MAGI1: variants seen among roughly 807,000 people sequenced by gnomAD.
MAGI1 encodes the protein membrane-associated guanylate kinase, WW and PDZ domain-containing protein 1.
Under a neutral mutation model 139.9 loss-of-function variants are expected in MAGI1, and 58 were observed. The observed-to-expected ratio is 0.41, with a 90% confidence interval of 0.34 to 0.52. The LOEUF is 0.52. Ranked by LOEUF, MAGI1 falls within the 20% of genes least tolerant of loss-of-function variation. MAGI1 has a pLI of 0.12. For synonymous variants in MAGI1, 812 were observed against 737.9 expected (o/e 1.10, Z -1.63); for missense variants, 1,874 against 1,901.6 (o/e 0.99, Z 0.27).
intron 1 of MAGI1, among the ~76,000 whole-genome samples, chr3:65,711,564 A>G (rs2031423923): frequency 6.6e-6 from 1 of 152,220 alleles, no homozygotes; most frequent in Non-Finnish European, 1.5e-5. Flanking sequence ...CCTAATCCTC[A>G]GTACCTCAGA....
intron 1 of MAGI1, among the ~76,000 whole-genome samples, chr3:65,879,228 C>T (rs993477185): frequency 1.3e-5 from 2 of 151,896 alleles, no homozygotes; most frequent in African/African-American, 4.8e-5. Flanking sequence ...AAGGTGGAAG[C>T]GGAGAGCAAA....
chr3:65,830,616 A>G (rs1218083055), intron 1 of MAGI1, among the ~76,000 whole-genome samples: 1 of 152,202 alleles, frequency 6.6e-6, no homozygotes, highest in East Asian at 1.9e-4. Flanking sequence ...CTTAAACAAG[A>G]CTGACTTATA....
intron 1 of MAGI1, among the ~76,000 whole-genome samples, chr3:65,664,207 T>C (rs2086371071): frequency 1.3e-5 from 2 of 152,230 alleles, no homozygotes; most frequent in South Asian, 2.1e-4. Flanking sequence ...CAAGAAATTA[T>C]TACAGTATGT....
chr3:65,957,743 G>A (rs1471942800), intron 1 of MAGI1, among the ~76,000 whole-genome samples: 1 of 151,956 alleles, frequency 6.6e-6, no homozygotes, highest in Non-Finnish European at 1.5e-5. Context: ...TTGCTATTAT[G>A]TTTTAGTTCT....
intron 1 of MAGI1, among the ~76,000 whole-genome samples, chr3:65,676,818 C>T (rs1018376044): frequency 6.6e-6 from 1 of 152,208 alleles, no homozygotes; most frequent in Non-Finnish European, 1.5e-5. Flanking sequence ...ATGAATCACA[C>T]AAAATCAACA....
intron 1 of MAGI1, among the ~76,000 whole-genome samples, chr3:65,675,858 A>G (rs1475577611): frequency 1.3e-5 from 2 of 152,240 alleles, no homozygotes; most frequent in South Asian, 2.1e-4. Flanking sequence ...GAAAAAAACA[A>G]TTGGGCTGAG....
intron 5 of MAGI1, among the ~76,000 whole-genome samples, chr3:65,460,297 T>C (rs1949685691): frequency 6.6e-6 from 1 of 152,244 alleles, no homozygotes; most frequent in African/African-American, 2.4e-5. Context: ...TAAAGATTTT[T>C]GCATTTATGC....
In MAGI1 at chr3:65,478,650, T is replaced by C; in HGVS notation, c.699A>G (p.Ile233Met). 6.2e-7 allele frequency: 1 copy of C among 1,614,100 alleles called. No individual in the cohort carries two copies. Among genetic ancestry groups the C allele is most frequent in the Non-Finnish European group, 8.5e-7 (1 of 1,179,982 alleles). Residue 233 changes from isoleucine (I) to methionine (M), a missense_variant, in exon 4 of 23, where the codon ATA becomes ATG. This residue lies in a region of MAGI1 where 648 missense variants were observed against 598.1 expected (regional missense o/e 1.08). Transcript: ENST00000402939. ...KSYNDMQNAGIVHAENEEEDD... is the reference protein window; with the variant it reads ...KSYNDMQNAGMVHAENEEEDD... ...CCTCCTCCTCATTCTCCGCGTGGAC[T>C]ATGCCAGCATTTTGCATATCATTGT...
intron 2 of MAGI1, among the ~76,000 whole-genome samples, chr3:65,608,439 A>G (rs1361175782): frequency 6.6e-6 from 1 of 152,234 alleles, no homozygotes; most frequent in Admixed American, 6.5e-5. Flanking sequence ...CCATCTCAAA[A>G]AAAAACAAAA....
intron 1 of MAGI1, among the ~76,000 whole-genome samples, chr3:65,862,704 G>A (rs1379188906): frequency 6.6e-6 from 1 of 152,178 alleles, no homozygotes; most frequent in African/African-American, 2.4e-5. Flanking sequence ...CATCACAAGT[G>A]TGCATAGTGG....
intron 12 of MAGI1, among the ~76,000 whole-genome samples, chr3:65,424,546 C>T (rs1946868450): frequency 6.6e-6 from 1 of 152,120 alleles, no homozygotes. Flanking sequence ...AATTTCACTT[C>T]CATTACTGTT....
chr3:65,634,651 A>G (rs1576548694), intron 1 of MAGI1, among the ~76,000 whole-genome samples: 1 of 152,346 alleles, frequency 6.6e-6, no homozygotes, highest in Middle Eastern at 3.4e-3. Flanking sequence ...TATAACACAT[A>G]GTAAGTGTGC....
At chr3:65,635,052 T>C (rs1396671282) in intron 1 of MAGI1, among the ~76,000 whole-genome samples, 3 of 151,994 alleles carry the variant, frequency 2.0e-5, no homozygotes, top group African/African-American at 7.3e-5. Context: ...TAGCGTGGGT[T>C]TGGAAACTTT....
chr3:65,744,079 A>T (rs1281808480), intron 1 of MAGI1, among the ~76,000 whole-genome samples: 1 of 152,168 alleles, frequency 6.6e-6, no homozygotes, highest in Non-Finnish European at 1.5e-5. Flanking sequence ...TTACATTTCA[A>T]ATCAGTTTTT....
chr3:65,518,315 TTATC>T (rs768583000), intron 2 of MAGI1, among the ~76,000 whole-genome samples: 2 of 152,220 alleles, frequency 1.3e-5, no homozygotes, highest in Non-Finnish European at 2.9e-5. Flanking sequence ...GTATATTTAT[TTATC>T]TTTCTTATTC....
chr3:65,831,753 G>A (rs113597999), intron 1 of MAGI1, among the ~76,000 whole-genome samples: 1 of 152,184 alleles, frequency 6.6e-6, no homozygotes, highest in African/African-American at 2.4e-5. Context: ...TGTGTGAATG[G>A]AAGTTTTAGA....
At chr3:65,668,726 G>C (rs2086677684) in intron 1 of MAGI1, among the ~76,000 whole-genome samples, 2 of 151,378 alleles carry the variant, frequency 1.3e-5, no homozygotes, top group South Asian at 4.2e-4. Context: ...TGTAATTTTT[G>C]TACTTTTAGT....
chr3:65,782,535 C>A (rs1259332657), intron 1 of MAGI1, among the ~76,000 whole-genome samples: 3 of 136,876 alleles, frequency 2.2e-5, no homozygotes, highest in Non-Finnish European at 4.6e-5. Context: ...CAGGAAGTAA[C>A]TACTGAGTTA....
rs58391331 is a variant in MAGI1, at chr3:65,846,976, CA to C, written c.313+191019del. ...GATTACAAAGAATAGCAATGTCTTA[CA>C]AAAAAAAAAAAAAAAAAAACCCTAA... is the stretch of plus-strand genomic sequence containing the variant. On this transcript the variant is annotated intron_variant, in intron 1 of 22. Transcript: ENST00000402939. Among the ~76,000 whole-genome samples the C allele has an allele frequency of 7.6e-3, 612 of 80,964 alleles. 6 individuals carry two copies. Among genetic ancestry groups the C allele is most frequent in the Middle Eastern group, 0.034 (4 of 116 alleles). 53.1% of individuals were successfully genotyped at this position (80,964 alleles called of 152,430 possible).
Sources: allele counts gnomAD v4.1 joint callset (sites outside exome capture counted in the v4.1 genomes callset), GRCh38; gene constraint gnomAD v4.1.1; regional missense constraint gnomAD v4.1.1; transcripts MANE v1.5; gene names NCBI Gene and HGNC (gene_info 2026-07-23, HGNC 2026-07-21).